The following NAV3 variants were observed in gnomAD, a reference collection of about 807,000 sequenced individuals.
NAV3 encodes the protein pore membrane and/or filament interacting like protein 1.
Under a neutral mutation model 244.7 loss-of-function variants are expected in NAV3, and 87 were observed. The observed-to-expected ratio is 0.36, with a 90% CI of 0.30 to 0.42. The LOEUF (loss-of-function observed/expected upper bound fraction) is 0.42. Ranked by LOEUF, NAV3 falls within the 20% of genes least tolerant of loss-of-function variation. NAV3 has a pLI of 1.00. For synonymous variants in NAV3, 1,126 were observed against 1,042.2 expected (o/e 1.08, Z -1.55); for missense variants, 2,663 against 2,893.3 (o/e 0.92, Z 1.83).
rs970110994 is a variant in NAV3, at chr12:77,590,615, A to C, written c.72+18349A>C. ...AATCCGTACAACAAATCCCCATGAC[A>C]TAAGTTTACCTGTGTAACAAACCTG... is the stretch of plus-strand genomic sequence containing the variant. On this transcript the variant is annotated intron_variant, in intron 2 of 8. Coordinates refer to the NAV3 transcript ENST00000550042. 3.3e-5 allele frequency among the ~76,000 whole-genome samples: 5 copies of C among 152,194 alleles called. No homozygotes were observed. The East Asian group carries it at 9.6e-4, about 29-fold the overall frequency.
intron 20 of NAV3, among the ~76,000 whole-genome samples, chr12:78,141,035 G>T (rs1024940130): frequency 6.6e-6 from 1 of 151,810 alleles, no homozygotes; most frequent in African/African-American, 2.4e-5. Flanking sequence ...AGGACTACAG[G>T]CATGCACCAC....
chr12:77,822,711 C>T (rs889726526), intron 2 of NAV3, among the ~76,000 whole-genome samples: 1 of 152,016 alleles, frequency 6.6e-6, no homozygotes, highest in African/African-American at 2.4e-5. Flanking sequence ...ATTTAAATTT[C>T]CTCATTAGTC....
chr12:78,205,574 G>A (rs1960213590), intron 39 of NAV3, among the ~76,000 whole-genome samples: 1 of 151,918 alleles, frequency 6.6e-6, no homozygotes, highest in South Asian at 2.1e-4. Context: ...TATAGAATGG[G>A]TCTTCTCTTG....
At chr12:77,602,448 T>A (rs1208897434) in intron 2 of NAV3, among the ~76,000 whole-genome samples, 1 of 151,966 alleles carries the variant, frequency 6.6e-6, no homozygotes, top group African/African-American at 2.4e-5. Context: ...TCCAATAGGT[T>A]GTTTGAAAAA....
intron 2 of NAV3, among the ~76,000 whole-genome samples, chr12:77,602,964 T>G (rs1294471990): frequency 6.6e-6 from 1 of 152,106 alleles, no homozygotes; most frequent in East Asian, 1.9e-4. Context: ...CCTCAGTTTC[T>G]TGCTGTAATT....
chr12:78,026,727 GTTC>G (rs1486366502), intron 9 of NAV3, among the ~76,000 whole-genome samples: 70 of 152,200 alleles, frequency 4.6e-4, no homozygotes, highest in Admixed American at 1.0e-3. Flanking sequence ...GAATTTGCCA[GTTC>G]TTCTTTTTTC....
intron 2 of NAV3, among the ~76,000 whole-genome samples, chr12:77,769,301 C>A (rs2135869760): frequency 1.3e-5 from 2 of 152,248 alleles, no homozygotes; most frequent in African/African-American, 4.8e-5. Flanking sequence ...ATATGACTTC[C>A]AACCTTTCAA....
At chr12:77,712,762 C>G (rs1876181133) in intron 2 of NAV3, among the ~76,000 whole-genome samples, 1 of 152,282 alleles carries the variant, frequency 6.6e-6, no homozygotes, top group African/African-American at 2.4e-5. Flanking sequence ...ATCATTGCCT[C>G]AGAGTTCTGT....
chr12:78,179,412 A>C (rs867912918), intron 28 of NAV3, 117 bp from the exon 29 acceptor site: 1 of 1,208,606 alleles, frequency 8.3e-7, no homozygotes, highest in South Asian at 1.5e-5. Flanking sequence ...TTTTGCCAGC[A>C]GCACACCATA....
At chr12:78,172,132 A>G (rs1284988351) in intron 24 of NAV3, among the ~76,000 whole-genome samples, 1 of 151,704 alleles carries the variant, frequency 6.6e-6, no homozygotes, top group African/African-American at 2.4e-5. Context: ...AAGGTAATAG[A>G]AAATTTTACC....
intron 1 of NAV3, among the ~76,000 whole-genome samples, chr12:77,865,082 A>T (rs1440180889): frequency 1.3e-5 from 2 of 152,064 alleles, no homozygotes; most frequent in Non-Finnish European, 2.9e-5. Flanking sequence ...AAGCATTTGT[A>T]TTGGCAATAA....
At chr12:78,167,456 T>C (rs1365471461) in intron 23 of NAV3, among the ~76,000 whole-genome samples, 1 of 151,532 alleles carries the variant, frequency 6.6e-6, no homozygotes, top group African/African-American at 2.4e-5. Flanking sequence ...CCGATGAAAA[T>C]AGATATATGA....
At chr12:77,951,822 A>G (rs1252422493) in intron 3 of NAV3, among the ~76,000 whole-genome samples, 1 of 152,144 alleles carries the variant, frequency 6.6e-6, no homozygotes, top group East Asian at 1.9e-4. Flanking sequence ...CTCAAGGACA[A>G]AAAACCAAAT....
intron 39 of NAV3, among the ~76,000 whole-genome samples, chr12:78,207,132 A>G (rs1186040782): frequency 1.3e-5 from 2 of 152,142 alleles, no homozygotes; most frequent in Non-Finnish European, 2.9e-5. Flanking sequence ...TGAAGCCAAC[A>G]TATATTTTCA....
chr12:77,872,969 G>A (rs944747585), intron 1 of NAV3, among the ~76,000 whole-genome samples: 2 of 152,112 alleles, frequency 1.3e-5, no homozygotes, highest in Non-Finnish European at 2.9e-5. Flanking sequence ...TGTCATGGGC[G>A]GGACCCCGCA....
intron 18 of NAV3, among the ~76,000 whole-genome samples, chr12:78,131,584 A>G (rs1956167719): frequency 6.6e-6 from 1 of 152,162 alleles, no homozygotes; most frequent in Admixed American, 6.5e-5. Context: ...TCATTAATTG[A>G]CGTTAATTTG....
At chr12:77,921,064 A>G (rs1232127500) in intron 1 of NAV3, among the ~76,000 whole-genome samples, 1 of 152,072 alleles carries the variant, frequency 6.6e-6, no homozygotes, top group Non-Finnish European at 1.5e-5. Context: ...CTCATCTGCC[A>G]GTAGAGAAGC....
At chr12:77,620,415 C>T (rs767866041) in intron 2 of NAV3, among the ~76,000 whole-genome samples, 3 of 151,990 alleles carry the variant, frequency 2.0e-5, no homozygotes, top group Admixed American at 6.6e-5. Flanking sequence ...AAACTCCTTA[C>T]TTATGCTTGT....
intron 2 of NAV3, among the ~76,000 whole-genome samples, chr12:77,802,624 G>A (rs949670812): frequency 2.0e-5 from 3 of 152,066 alleles, no homozygotes; most frequent in African/African-American, 7.2e-5. Context: ...TATACACAAA[G>A]CCAAAAACAG....
Sources: gnomAD v4.1 joint callset for allele counts (sites outside exome capture counted in the v4.1 genomes callset) on GRCh38, gnomAD v4.1.1 for gene constraint, MANE v1.5 for transcripts, NCBI Gene and HGNC (gene_info 2026-07-23, HGNC 2026-07-21) for gene names.